SLC12A6: variants seen among roughly 807,000 people sequenced by gnomAD.
SLC12A6 encodes K-Cl cotransporter 3.
In SLC12A6, 66 loss-of-function variants were observed where a neutral mutation model predicts 135.3. The observed-to-expected ratio is 0.49, with a 90% CI of 0.40 to 0.60. SLC12A6 has a LOEUF of 0.60. Among genes scored for constraint, SLC12A6 ranks in the 20% least tolerant of loss-of-function variants. The probability of loss-of-function intolerance (pLI) is 0.00; values close to 1 mark genes in which losing one functional copy is unlikely to be tolerated. For missense variants in SLC12A6, 1,058 were observed against 1,452.3 expected, an observed-to-expected ratio of 0.73 and a Z score of 4.41; for synonymous variants, 513 against 508.8, an observed-to-expected ratio of 1.01 and a Z score of -0.11.
intron 2 of SLC12A6, among the ~76,000 whole-genome samples, chr15:34,281,006 T>C (rs1348517611): frequency 2.6e-5 from 4 of 151,932 alleles, no homozygotes; most frequent in Non-Finnish European, 4.4e-5. Flanking sequence ...GATGTAAAAA[T>C]TAGAACAGAC....
chr15:34,276,316 T>C (rs1319773316), intron 2 of SLC12A6, among the ~76,000 whole-genome samples: 1 of 152,214 alleles, frequency 6.6e-6, no homozygotes, highest in Non-Finnish European at 1.5e-5. Flanking sequence ...AAAGCACTTA[T>C]TACTATTAGC....
At chr15:34,276,250 C>A (rs757676905) in intron 2 of SLC12A6, among the ~76,000 whole-genome samples, 5 of 152,142 alleles carry the variant, frequency 3.3e-5, no homozygotes, top group Admixed American at 6.5e-5. Context: ...GACGAAGGAA[C>A]ATTTTAATGA....
chr15:34,254,922 A>G lies in SLC12A6; in HGVS notation c.877-333T>C, dbSNP rs116966240. The stretch of plus-strand genomic sequence containing the variant: ...TGACTCTACTATCACTACTTTAAAT[A>G]GTAAACAATATGTCTCAGTGAAGAG... On this transcript the variant is annotated intron_variant, in intron 8 of 25. Transcript: ENST00000354181. 0.014 allele frequency among the ~76,000 whole-genome samples: 2,155 copies of G among 152,388 alleles called. 23 individuals are homozygous for G. The highest frequency in any genetic ancestry group is 0.037 in the South Asian group (179 of 4,830).
intron 2 of SLC12A6, among the ~76,000 whole-genome samples, chr15:34,328,497 T>C (rs1889622193): frequency 6.6e-6 from 1 of 152,188 alleles, no homozygotes; most frequent in Non-Finnish European, 1.5e-5. Flanking sequence ...TGAACTACCA[T>C]TAAGGCAAGG....
At position 34,233,808 on chromosome 15, in the gene SLC12A6, T is replaced by G. The variant is rs2140626215; in HGVS notation, c.*73A>C. On this transcript the variant is annotated 3_prime_UTR_variant, in exon 26 of 26. Transcript: ENST00000354181. ...GCTTCTAGTTGAGTGGGAGTGGTAG[T>G]AATGAGCTGGCACTTCCATGGAGGA... 5 of 808,018 alleles carry G rather than the reference T, an allele frequency of 6.2e-6. No individual in the cohort carries two copies. The highest frequency in any genetic ancestry group is 8.9e-6 in the Non-Finnish European group (4 of 448,358). 50.1% of individuals were successfully genotyped at this position (808,018 alleles called of 1,614,324 possible). A position where few individuals can be genotyped will look rare whatever the true frequency, so the allele number is the denominator to read the frequency against.
chr15:34,314,973 A>C (rs347862), intron 2 of SLC12A6: 150,703 of 152,268 alleles, frequency 0.99, 74,588 homozygotes, highest in East Asian at 1. Context: ...AGAAGCAGAG[A>C]CTGAAAATGT....
Position 34,258,858 on chromosome 15 carries a change from A to G in SLC12A6, c.498T>C (p.His166=). 1 of 1,613,374 alleles carries G rather than the reference A, an allele frequency of 6.2e-7. No individual in the cohort carries two copies. The highest frequency in any genetic ancestry group is 8.5e-7 in the Non-Finnish European group (1 of 1,179,508). The part of the protein sequence containing the change: ...YTNLTQGAKE[H]EEAENITEGK... ...CTTCAGTGATGTTTTCTGCCTCTTCATGTTCCTTTGCTCCTTGAGTCAGAT... is the reference window on the plus strand; with the variant it reads ...CTTCAGTGATGTTTTCTGCCTCTTCGTGTTCCTTTGCTCCTTGAGTCAGAT... Residue 166 remains histidine (H), a synonymous_variant, in exon 5 of 26, where the codon CAT becomes CAC. Transcript: ENST00000354181.
At position 34,236,214 on chromosome 15, in the gene SLC12A6, C is replaced by CCAACA. The variant is rs1225299099; in HGVS notation, c.3043-20_3043-16dup. On this transcript the variant is annotated splice_polypyrimidine_tract_variant and intron_variant, in intron 23 of 25. Transcript: ENST00000354181. ...ACCAATTGTGCCTGAGGAAGAAGGTCCAACACAAGTTATTCTACCAAATTT... is the reference window on the plus strand; with the variant it reads ...ACCAATTGTGCCTGAGGAAGAAGGTCCAACACAACACAAGTTATTCTACCAAATTT... The CCAACA allele has an allele frequency of 6.2e-7, 1 of 1,607,286 alleles. No individual in the cohort carries two copies. Among genetic ancestry groups the CCAACA allele is most frequent in the African/African-American group, 1.3e-5 (1 of 74,800 alleles).
At chr15:34,306,120 T>A (rs1896598325) in intron 2 of SLC12A6, among the ~76,000 whole-genome samples, 1 of 152,234 alleles carries the variant, frequency 6.6e-6, no homozygotes, top group Non-Finnish European at 1.5e-5. Context: ...GGTTTTTCTC[T>A]TTCAGGTTGC....
chr15:34,328,693 A>G (rs1333994113), intron 2 of SLC12A6, among the ~76,000 whole-genome samples: 1 of 152,192 alleles, frequency 6.6e-6, no homozygotes, highest in Non-Finnish European at 1.5e-5. Flanking sequence ...AACCTGAGCA[A>G]CATGGCAAAA....
At chr15:34,281,587 A>C (rs1894683713) in intron 2 of SLC12A6, among the ~76,000 whole-genome samples, 1 of 152,194 alleles carries the variant, frequency 6.6e-6, no homozygotes, top group Non-Finnish European at 1.5e-5. Context: ...CAGGAGATTG[A>C]GACCATCCTG....
At chr15:34,287,132 T>C (rs1895140939) in intron 2 of SLC12A6, among the ~76,000 whole-genome samples, 1 of 152,148 alleles carries the variant, frequency 6.6e-6, no homozygotes, top group Admixed American at 6.5e-5. Context: ...CCTAATGTTA[T>C]CCCTTCCCTA....
At chr15:34,248,595 T>C (rs1460534201) in intron 13 of SLC12A6, among the ~76,000 whole-genome samples, 2 of 150,658 alleles carry the variant, frequency 1.3e-5, no homozygotes, top group Non-Finnish European at 3.0e-5. Context: ...CACACACATA[T>C]ACTGTGTTAT....
chr15:34,320,248 T>C (rs1351550342), intron 2 of SLC12A6, among the ~76,000 whole-genome samples: 2 of 152,228 alleles, frequency 1.3e-5, no homozygotes, highest in East Asian at 3.8e-4. Flanking sequence ...TCAACTTAAG[T>C]GCCCATTAAC....
At chr15:34,302,788 A>G (rs1731143764) in intron 2 of SLC12A6, among the ~76,000 whole-genome samples, 1 of 151,894 alleles carries the variant, frequency 6.6e-6, no homozygotes, top group African/African-American at 2.4e-5. Flanking sequence ...TGTCTCTACA[A>G]AAAAATTAAA....
intron 21 of SLC12A6, among the ~76,000 whole-genome samples, chr15:34,237,879 T>C (rs1891380837): frequency 6.6e-6 from 1 of 152,190 alleles, no homozygotes; most frequent in African/African-American, 2.4e-5. Context: ...TAAATCTCAT[T>C]TAATTAGTCT....
chr15:34,250,268 A>T (rs1179272637), intron 13 of SLC12A6, 30 bp downstream of exon 13: 1 of 1,220,492 alleles, frequency 8.2e-7, no homozygotes, highest in East Asian at 2.3e-5. Context: ...AGACACACAC[A>T]TAATTGTTAC....
intron 2 of SLC12A6, among the ~76,000 whole-genome samples, chr15:34,323,914 C>T (rs1450527894): frequency 6.9e-6 from 1 of 144,754 alleles, no homozygotes; most frequent in Non-Finnish European, 1.5e-5. Flanking sequence ...GCACGCCAGC[C>T]TAGGTGACAG....
intron 2 of SLC12A6, among the ~76,000 whole-genome samples, chr15:34,314,060 T>G (rs1888456630): frequency 6.6e-6 from 1 of 151,738 alleles, no homozygotes; most frequent in African/African-American, 2.4e-5. Flanking sequence ...TTTTTTTTTT[T>G]TTTTTGAGAC....
Sources: allele counts gnomAD v4.1 joint callset (sites outside exome capture counted in the v4.1 genomes callset), GRCh38; gene constraint gnomAD v4.1.1; transcripts MANE v1.5; gene names NCBI Gene and HGNC (gene_info 2026-07-23, HGNC 2026-07-21).